The following PIK3IP1 variants were observed in gnomAD, a reference collection of about 807,000 sequenced individuals.
PIK3IP1 encodes phosphoinositide-3-kinase interacting protein 1, also known as phosphoinositide-3-kinase-interacting protein 1.
A neutral mutation model predicts 30.7 loss-of-function variants in PIK3IP1; 28 were observed. The ratio of observed to expected loss-of-function variants is 0.91; its 90% CI spans 0.68 to 1.25. The LOEUF is 1.25. Among genes scored for constraint, PIK3IP1 ranks in the 50% most tolerant of loss-of-function variants. The probability of loss-of-function intolerance (pLI) is 0.00; values close to 1 mark genes in which losing one functional copy is unlikely to be tolerated. For synonymous variants in PIK3IP1, 159 were observed against 140.8 expected, an observed-to-expected ratio of 1.13 and a Z score of -0.91; for missense variants, 333 against 346.2, an observed-to-expected ratio of 0.96 and a Z score of 0.30.
At chr22:31,290,873 C>T (rs2049170636) in intron 3 of PIK3IP1, 92 bp downstream of exon 3, 8 of 1,432,884 alleles carry the variant, frequency 5.6e-6, no homozygotes, top group African/African-American at 3.0e-5. Context: ...GCGGGGCCGG[C>T]CGGCATCGCG....
intron 5 of PIK3IP1, among the ~76,000 whole-genome samples, chr22:31,286,511 G>C (rs1389288003): frequency 6.6e-6 from 1 of 152,208 alleles, no homozygotes; most frequent in African/African-American, 2.4e-5. Context: ...CTGAAGAAAG[G>C]GGTGATCTGG....
chr22:31,290,877 C>T, intron 3 of PIK3IP1, 88 bp downstream of exon 3: 2 of 1,437,146 alleles, frequency 1.4e-6, no homozygotes, highest in Non-Finnish European at 1.8e-6. Context: ...GGCCGGCCGG[C>T]ATCGCGCGGC....
chr22:31,283,362 A>G (rs1023101206), intron 5 of PIK3IP1, 74 bp from the exon 6 acceptor site: 48 of 1,489,094 alleles, frequency 3.2e-5, no homozygotes, highest in South Asian at 1.7e-4. Flanking sequence ...AGCATCCCTG[A>G]GGCTCAGCAA....
chr22:31,292,355 T>G lies in PIK3IP1; in HGVS notation c.-11A>C. 1 of 1,613,974 alleles carries G rather than the reference T, an allele frequency of 6.2e-7. No individual in the cohort carries two copies. Among genetic ancestry groups the G allele is most frequent in the Non-Finnish European group, 8.5e-7 (1 of 1,179,872 alleles). On this transcript the variant is annotated 5_prime_UTR_variant, in exon 1 of 6. Coordinates refer to ENST00000215912, the MANE Select transcript of PIK3IP1 (RefSeq NM_052880.5). Reference sequence around the variant, plus strand: ...CCAGGCCAACAGCATCCTTGCCTCCTTCGTCTTGCAGGTGATTGAACGACC... The same window carrying G: ...CCAGGCCAACAGCATCCTTGCCTCCGTCGTCTTGCAGGTGATTGAACGACC...
At chr22:31,287,590 A>G (rs969545168) in intron 5 of PIK3IP1, among the ~76,000 whole-genome samples, 1 of 152,014 alleles carries the variant, frequency 6.6e-6, no homozygotes, top group African/African-American at 2.4e-5. Context: ...TCGGCCTCCC[A>G]AAGTGCTAGG....
At chr22:31,285,397 G>T (rs892529838) in intron 5 of PIK3IP1, among the ~76,000 whole-genome samples, 20 of 152,142 alleles carry the variant, frequency 1.3e-4, no homozygotes, top group African/African-American at 3.9e-4. Context: ...TATCTATTTT[G>T]ATCTGTTTCA....
At chr22:31,284,256 G>C (rs969375975) in intron 5 of PIK3IP1, among the ~76,000 whole-genome samples, 1 of 152,202 alleles carries the variant, frequency 6.6e-6, no homozygotes. Flanking sequence ...TAACTTCCGC[G>C]CCTTGCTTTC....
Position 31,289,510 on chromosome 22 carries a change from A to C in PIK3IP1, c.497T>G (p.Leu166Arg), listed in dbSNP as rs2049157236. 6.5e-7 allele frequency: 1 copy of C among 1,534,858 alleles called. No individual in the cohort carries two copies. Among genetic ancestry groups the C allele is most frequent in the Non-Finnish European group, 8.8e-7 (1 of 1,139,028 alleles). Reference protein sequence around the residue: ...VRMNSKEKKDLGTLGYVLGIT... With the variant: ...VRMNSKEKKDRGTLGYVLGIT... The stretch of plus-strand genomic sequence containing the variant: ...GGGGACCGTCATACCCAGAGTTCCC[A>C]GGTCCTTTTTCTCCTTGGAGTTCAT... Residue 166 changes from leucine to arginine, a missense_variant, in exon 4 of 6, where the codon CTG (leucine) becomes CGG (arginine). Around this residue, in one of 3 missense-constraint regions of PIK3IP1, gnomAD observed 217 missense variants for 227.7 expected, o/e 0.95. Transcript: ENST00000215912.
At position 31,282,293 on chromosome 22, in the gene PIK3IP1, C is replaced by G. The variant is rs181482288; in HGVS notation, c.*791G>C. On this transcript the variant is annotated 3_prime_UTR_variant, in exon 6 of 6. Coordinates refer to ENST00000215912, the MANE Select transcript of PIK3IP1 (RefSeq NM_052880.5). Reference sequence around the variant, plus strand: ...CATAGGTTAGCTAACTACTCTCTTACCTGTGCAAAATGAAGACAGGTCACT... The same window carrying G: ...CATAGGTTAGCTAACTACTCTCTTAGCTGTGCAAAATGAAGACAGGTCACT... The G allele has an allele frequency of 6.5e-6, 1 of 152,702 alleles. No homozygotes were observed. The highest frequency in any genetic ancestry group is 1.9e-4 in the East Asian group (1 of 5,192). 9.5% of individuals were successfully genotyped at this position (152,702 alleles called of 1,614,324 possible).
chr22:31,282,603 G>C lies in PIK3IP1; in HGVS notation c.*481C>G, dbSNP rs1246595411. 6.4e-6 allele frequency: 1 copy of C among 156,626 alleles called. No homozygotes were observed. Among genetic ancestry groups the C allele is most frequent in the African/African-American group, 2.4e-5 (1 of 41,490 alleles). 9.7% of individuals were successfully genotyped at this position (156,626 alleles called of 1,614,324 possible). On this transcript the variant is annotated 3_prime_UTR_variant, in exon 6 of 6. Coordinates refer to ENST00000215912, the MANE Select transcript of PIK3IP1 (RefSeq NM_052880.5). ...CGTTTCCAGTTCTCAGAGGTCAGTAGGGAGTTCCATCCCAAATATTTTAAA... is the reference window on the plus strand; with the variant it reads ...CGTTTCCAGTTCTCAGAGGTCAGTACGGAGTTCCATCCCAAATATTTTAAA...
In PIK3IP1 at chr22:31,290,848, C is replaced by G. The variant is rs2049170275; in HGVS notation, c.307+117G>C. The G allele has an allele frequency of 2.9e-6, 4 of 1,383,000 alleles. No individual in the cohort carries two copies. In the African/African-American group the frequency reaches 6.1e-5, roughly 21 times the overall value. The allele number at this position is 1,383,000 out of a possible 1,614,324, so 85.7% of individuals were successfully genotyped here. On this transcript the variant is annotated intron_variant, in intron 3 of 5. Coordinates refer to ENST00000215912, the MANE Select transcript of PIK3IP1 (RefSeq NM_052880.5). The stretch of plus-strand genomic sequence containing the variant: ...CTGGAGACAGCCCTGGCCAATCGGA[C>G]GGCGCGGAGGCGGAGCGGGGCCGGC...
At position 31,289,388 on chromosome 22, in the gene PIK3IP1, C is replaced by T. The variant is rs757801364; in HGVS notation, c.514G>A (p.Val172Met). 5 of 1,607,726 alleles carry T rather than the reference C, an allele frequency of 3.1e-6. No homozygotes were observed. The highest frequency in any genetic ancestry group is 2.2e-5 in the East Asian group (1 of 44,840). Residue 172 changes from valine to methionine, a missense_variant, in exon 5 of 6, where the codon GTG becomes ATG. Val to Met is a conservative substitution (Grantham distance 21). This residue lies in a region of PIK3IP1 where 217 missense variants were observed against 227.7 expected (regional missense o/e 0.95). Coordinates refer to ENST00000215912, the MANE Select transcript of PIK3IP1 (RefSeq NM_052880.5). ...ATCACCATCATGGTAATGCCCAGCA[C>T]GTAGCCTGCCAAGGATAGGACACAA... is the stretch of plus-strand genomic sequence containing the variant. ...EKKDLGTLGY[V>M]LGITMMVIII...
intron 5 of PIK3IP1, among the ~76,000 whole-genome samples, chr22:31,286,050 C>G (rs1017067477): frequency 3.3e-5 from 5 of 151,774 alleles, no homozygotes; most frequent in South Asian, 4.2e-4. Flanking sequence ...GCGGGTGCCT[C>G]TAATCCCAGC....
Position 31,283,300 on chromosome 22 carries a change from AAAACAAAC to A in PIK3IP1, c.588-20_588-13del. 2 of 1,613,394 alleles carry A rather than the reference AAAACAAAC, an allele frequency of 1.2e-6. No individual in the cohort carries two copies. The highest frequency in any genetic ancestry group is 2.2e-5 in the South Asian group (2 of 91,040). On this transcript the variant is annotated splice_polypyrimidine_tract_variant and intron_variant, in intron 5 of 5. Coordinates refer to ENST00000215912, the MANE Select transcript of PIK3IP1 (RefSeq NM_052880.5). ...TCAAATCCTTCCCCCTGGCAGGAAA[AAAACAAAC>A]AAACATTCAGGCTATGCCTCCTGCA...
chr22:31,289,868 G>C, intron 3 of PIK3IP1, 169 bp from the exon 4 acceptor site: 1 of 648,846 alleles, frequency 1.5e-6, no homozygotes, highest in Admixed American at 2.9e-5. Context: ...GCCTGAGAGG[G>C]CTGAACCATC....
chr22:31,284,088 G>GTC (rs1402236997), intron 5 of PIK3IP1, among the ~76,000 whole-genome samples: 1 of 152,074 alleles, frequency 6.6e-6, no homozygotes, highest in Non-Finnish European at 1.5e-5. Context: ...ATTTTTAGTA[G>GTC]AGATGGGGTT....
rs990212063 is a variant in PIK3IP1, at chr22:31,289,867, G to A, written c.308-168C>T. ...CCAGAGGTAAGATCAGGCCTGAGAG[G>A]GCTGAACCATCTCAGGGACAAGGCA... On this transcript the variant is annotated intron_variant, in intron 3 of 5. Coordinates refer to ENST00000215912, the MANE Select transcript of PIK3IP1 (RefSeq NM_052880.5). The A allele has an allele frequency of 2.3e-5, 15 of 651,344 alleles. No individual in the cohort carries two copies. The Admixed American group carries it at 2.6e-4, about 12-fold the overall frequency. The allele number at this position is 651,344 out of a possible 1,614,324, so 40.3% of individuals were successfully genotyped here.
At chr22:31,283,474 T>A (rs575972622) in intron 5 of PIK3IP1, among the ~76,000 whole-genome samples, 186 bp from the exon 6 acceptor site, 1 of 152,224 alleles carries the variant, frequency 6.6e-6, no homozygotes, top group South Asian at 2.1e-4. Context: ...GGCGTTAAAC[T>A]CAACAAGAAG....
In PIK3IP1 at chr22:31,282,732, G is replaced by GTACATCA. The variant is rs1177416591; in HGVS notation, c.*351_*352insTGATGTA. On this transcript the variant is annotated 3_prime_UTR_variant, in exon 6 of 6. Coordinates refer to ENST00000215912, the MANE Select transcript of PIK3IP1 (RefSeq NM_052880.5). ...CACAGTGGAGACTGAGGCCATCTTAGTAAAGCACAGAGGAGCCTGGGGGAG... is the reference window on the plus strand; with the variant it reads ...CACAGTGGAGACTGAGGCCATCTTAGTACATCATAAAGCACAGAGGAGCCTGGGGGAG... 1.5e-5 allele frequency: 4 copies of GTACATCA among 259,756 alleles called. No homozygotes were observed. The highest frequency in any genetic ancestry group is 2.3e-5 in the Non-Finnish European group (3 of 132,732). The allele number at this position is 259,756 out of a possible 1,614,324, so 16.1% of individuals were successfully genotyped here. A position where few individuals can be genotyped will look rare whatever the true frequency, so the allele number is the denominator to read the frequency against.
Sources: allele counts gnomAD v4.1 joint callset (sites outside exome capture counted in the v4.1 genomes callset), GRCh38; gene constraint gnomAD v4.1.1; regional missense constraint gnomAD v4.1.1; transcripts MANE v1.5; gene names NCBI Gene and HGNC (gene_info 2026-07-23, HGNC 2026-07-21).